ZNF385D: variants seen among roughly 807,000 people sequenced by gnomAD.
ZNF385D encodes the protein zinc finger protein 385D.
Under a neutral mutation model 35.8 loss-of-function variants are expected in ZNF385D, and 15 were observed. That is an observed-to-expected ratio of 0.42 (90% CI 0.28 to 0.64). The LOEUF is 0.64. ZNF385D is among the 30% of genes least tolerant of loss of function. ZNF385D has a pLI of 0.23. For synonymous variants in ZNF385D, 212 were observed against 186.8 expected (o/e 1.13, Z -1.10); for missense variants, 474 against 494.6 (o/e 0.96, Z 0.39).
At chr3:21,469,258 C>T (rs1459674389) in intron 4 of ZNF385D, among the ~76,000 whole-genome samples, 1 of 152,120 alleles carries the variant, frequency 6.6e-6, no homozygotes, top group Non-Finnish European at 1.5e-5. Context: ...TGAGAGGAGG[C>T]CACAGACTTT....
At chr3:21,948,708 A>ATATT (rs34846081) in intron 3 of ZNF385D, among the ~76,000 whole-genome samples, 39,328 of 151,878 alleles carry the variant, frequency 0.26, 5,797 homozygotes, top group Admixed American at 0.41. Context: ...CATGAGACAA[A>ATATT]TATTTCATTC....
chr3:22,253,566 G>A (rs558005691), intron 2 of ZNF385D, among the ~76,000 whole-genome samples: 8 of 151,850 alleles, frequency 5.3e-5, no homozygotes, highest in African/African-American at 1.4e-4. Flanking sequence ...GACATGTCAC[G>A]TTCTCATGAC....
At chr3:21,884,733 A>G (rs368345040) in intron 3 of ZNF385D, among the ~76,000 whole-genome samples, 1 of 152,162 alleles carries the variant, frequency 6.6e-6, no homozygotes, top group African/African-American at 2.4e-5. Context: ...GTGCTAACGC[A>G]TAGCTTTTTC....
intron 5 of ZNF385D, among the ~76,000 whole-genome samples, chr3:21,435,411 C>T (rs1387074947): frequency 2.6e-5 from 4 of 151,966 alleles, no homozygotes; most frequent in Non-Finnish European, 5.9e-5. Context: ...GCACATGCCA[C>T]CATGCCCAGC....
chr3:21,493,165 A>C (rs953106735), intron 4 of ZNF385D, among the ~76,000 whole-genome samples: 3 of 152,112 alleles, frequency 2.0e-5, no homozygotes, highest in Non-Finnish European at 4.4e-5. Flanking sequence ...GATACATACT[A>C]GTATGTATCA....
chr3:21,828,470 G>A (rs1694793349), intron 3 of ZNF385D, among the ~76,000 whole-genome samples: 1 of 152,156 alleles, frequency 6.6e-6, no homozygotes, highest in African/African-American at 2.4e-5. Flanking sequence ...TTTAAAATAA[G>A]TGGGAGTTAT....
At chr3:21,869,158 G>T (rs1362720011) in intron 3 of ZNF385D, among the ~76,000 whole-genome samples, 1 of 152,078 alleles carries the variant, frequency 6.6e-6, no homozygotes, top group East Asian at 1.9e-4. Flanking sequence ...TTAGCACGTA[G>T]ATTAAGCCAA....
intron 3 of ZNF385D, among the ~76,000 whole-genome samples, chr3:21,935,538 C>A (rs1439287547): frequency 6.6e-6 from 1 of 152,096 alleles, no homozygotes; most frequent in South Asian, 2.1e-4. Context: ...TTCAATCCTG[C>A]CTTCCTAGAG....
At chr3:21,930,261 CTTTT>C (rs1233331298) in intron 3 of ZNF385D, among the ~76,000 whole-genome samples, 1 of 137,170 alleles carries the variant, frequency 7.3e-6, no homozygotes, top group Non-Finnish European at 1.6e-5. Flanking sequence ...AAGTTGAACA[CTTTT>C]TTTATACTGT....
chr3:22,169,373 G>A (rs1706538128), intron 2 of ZNF385D, among the ~76,000 whole-genome samples: 1 of 152,068 alleles, frequency 6.6e-6, no homozygotes, highest in Non-Finnish European at 1.5e-5. Context: ...ACTTGTCTAA[G>A]GTCACACAGC....
At chr3:21,849,130 T>C (rs1422013782) in intron 3 of ZNF385D, among the ~76,000 whole-genome samples, 1 of 152,096 alleles carries the variant, frequency 6.6e-6, no homozygotes, top group Non-Finnish European at 1.5e-5. Flanking sequence ...TACACATGCA[T>C]GTAACTGTCA....
At chr3:22,097,318 A>G (rs1701685814) in intron 3 of ZNF385D, among the ~76,000 whole-genome samples, 1 of 152,056 alleles carries the variant, frequency 6.6e-6, no homozygotes, top group Non-Finnish European at 1.5e-5. Flanking sequence ...AAAACCTAAA[A>G]TATATGGTGT....
chr3:21,888,084 C>T (rs920661252), intron 3 of ZNF385D, among the ~76,000 whole-genome samples: 1 of 152,058 alleles, frequency 6.6e-6, no homozygotes. Context: ...ATTGCTCCCC[C>T]CCTTTTTTGG....
At chr3:21,867,566 C>T (rs1470373785) in intron 3 of ZNF385D, among the ~76,000 whole-genome samples, 1 of 152,150 alleles carries the variant, frequency 6.6e-6, no homozygotes, top group African/African-American at 2.4e-5. Flanking sequence ...ACTCTATTTG[C>T]ATCTTGTATT....
intron 3 of ZNF385D, among the ~76,000 whole-genome samples, chr3:22,130,502 G>C (rs1346676078): frequency 6.6e-6 from 1 of 152,100 alleles, no homozygotes; most frequent in African/African-American, 2.4e-5. Flanking sequence ...TTTCCCCTTG[G>C]GTAGCGCTGG....
chr3:21,971,888 A>C (rs1263860210), intron 3 of ZNF385D, among the ~76,000 whole-genome samples: 1 of 151,982 alleles, frequency 6.6e-6, no homozygotes, highest in Admixed American at 6.6e-5. Context: ...GTAATGATAA[A>C]GGGATGAATA....
At chr3:21,547,492 C>A (rs1249014052) in intron 3 of ZNF385D, among the ~76,000 whole-genome samples, 1 of 152,076 alleles carries the variant, frequency 6.6e-6, no homozygotes. Flanking sequence ...CTGCTGGGAC[C>A]CCTTAGGCCT....
intron 3 of ZNF385D, among the ~76,000 whole-genome samples, chr3:22,070,180 T>C (rs1432073129): frequency 6.6e-6 from 1 of 152,176 alleles, no homozygotes; most frequent in African/African-American, 2.4e-5. Context: ...ACAAGCATTA[T>C]CTACTCACAT....
At position 21,484,921 on chromosome 3, in the gene ZNF385D, A is replaced by G. The variant is rs137985181; in HGVS notation, c.439+25940T>C. Among the ~76,000 whole-genome samples the G allele has an allele frequency of 1.2e-3, 187 of 152,258 alleles. 4 individuals carry two copies. In the East Asian group the frequency reaches 0.034, roughly 28 times the overall value. On this transcript the variant is annotated intron_variant, in intron 4 of 7. Transcript: ENST00000281523. ...AGACCGGCATATATAGGAGGCAAAC[A>G]AAACAAAATAAAGGAAACAAACCAA...
Sources: allele counts gnomAD v4.1 joint callset (sites outside exome capture counted in the v4.1 genomes callset), GRCh38; gene constraint gnomAD v4.1.1; transcripts MANE v1.5; gene names NCBI Gene and HGNC (gene_info 2026-07-23, HGNC 2026-07-21).